ARAF: variants seen among roughly 807,000 people sequenced by gnomAD.
ARAF encodes A-Raf proto-oncogene, serine/threonine kinase, also known as serine/threonine-protein kinase A-Raf.
ARAF carries 18 observed loss-of-function variants against 48.0 expected under a neutral mutation model. That is an observed-to-expected ratio of 0.37 (90% CI 0.26 to 0.56). The LOEUF (loss-of-function observed/expected upper bound fraction) is 0.56, where lower values mean the gene tolerates loss of function less well. Ranked by LOEUF, ARAF falls within the 20% of genes least tolerant of loss-of-function variation. The probability of loss-of-function intolerance (pLI) is 0.77; values close to 1 mark genes in which losing one functional copy is unlikely to be tolerated. For missense variants in ARAF, 389 were observed against 543.1 expected (o/e 0.72, Z 2.82); for synonymous variants, 207 against 220.1 (o/e 0.94, Z 0.53).
intron 10 of ARAF, among the ~76,000 whole-genome samples, chrX:47,568,359 C>T (rs1484814292): frequency 2.7e-5 from 3 of 110,367 alleles, no homozygotes; most frequent in African/African-American, 6.6e-5. Flanking sequence ...TCTGCTTTCT[C>T]ATCTGTGAGA....
intron 10 of ARAF, among the ~76,000 whole-genome samples, chrX:47,568,392 T>C (rs774178390): frequency 1.8e-5 from 2 of 109,593 alleles, no homozygotes; most frequent in African/African-American, 6.7e-5. Context: ...CAGGTAATGG[T>C]CAGAGTCAGA....
intron 4 of ARAF, 40 bp downstream of exon 4, chrX:47,564,939 G>C (rs2057725964): frequency 3.3e-6 from 4 of 1,210,840 alleles, no homozygotes; most frequent in Non-Finnish European, 4.5e-6. Context: ...CCATGGTTGG[G>C]GGTGTCCTTG....
In ARAF at chrX:47,567,365, G is replaced by T; in HGVS notation, c.1009G>T (p.Val337Leu). ...GRWHGDVAVKVLKVSQPTAEQ... is the reference protein window; with the variant it reads ...GRWHGDVAVKLLKVSQPTAEQ... ...GTGGCATGGCGATGTGGCCGTGAAGGTGCTCAAGGTGTCCCAGCCCACAGC... is the reference window on the plus strand; with the variant it reads ...GTGGCATGGCGATGTGGCCGTGAAGTTGCTCAAGGTGTCCCAGCCCACAGC... Residue 337 changes from valine (V) to leucine (L), a missense_variant, in exon 10 of 16, where the codon GTG (valine) becomes TTG (leucine). Around this residue, in one of 4 missense-constraint regions of ARAF, gnomAD observed 170 missense variants for 281.4 expected, o/e 0.60. Transcript: ENST00000377045. 8.3e-7 allele frequency: 1 copy of T among 1,210,495 alleles called. No individual in the cohort carries two copies. The highest frequency in any genetic ancestry group is 3.0e-5 in the East Asian group (1 of 33,824).
intron 10 of ARAF, among the ~76,000 whole-genome samples, chrX:47,567,700 G>A (rs1217158734): frequency 4.5e-5 from 5 of 111,281 alleles, no homozygotes; most frequent in Admixed American, 1.9e-4. Flanking sequence ...TGCCTGCTGC[G>A]AACTGGGTCT....
At chrX:47,566,849 T>C (rs1292282277) in intron 7 of ARAF, 35 bp from the exon 8 acceptor site, 1 of 1,211,738 alleles carries the variant, frequency 8.3e-7, no homozygotes, top group African/African-American at 1.7e-5. Context: ...TTGGCCTCCA[T>C]GCCCTCTTTT....
chrX:47,564,824 A>G lies in ARAF; in HGVS notation c.228A>G (p.Thr76=). The G allele has an allele frequency of 3.3e-6, 4 of 1,207,789 alleles. No homozygotes were observed. Among genetic ancestry groups the G allele is most frequent in the Non-Finnish European group, 4.5e-6 (4 of 893,383 alleles). ...KGRKTVTAWD[T]AIAPLDGEEL... The stretch of plus-strand genomic sequence containing the variant: ...GAAAGACGGTCACTGCCTGGGACAC[A>G]GCCATTGCTCCCCTGGATGGCGAGG... The change falls in exon 4 of 16, where the codon ACA becomes ACG. Residue 76 remains threonine (T), a synonymous_variant. Coordinates refer to ENST00000377045, the MANE Select transcript of ARAF (RefSeq NM_001654.5).
At position 47,571,555 on chromosome X, in the gene ARAF, C is replaced by T. The variant is rs1039810598; in HGVS notation, c.*98C>T. The T allele has an allele frequency of 2.1e-5, 22 of 1,055,956 alleles. No individual in the cohort carries two copies. In the African/African-American group the frequency reaches 3.9e-4, roughly 19 times the overall value. The allele number at this position is 1,055,956 out of a possible 1,213,427, so 87.0% of individuals were successfully genotyped here. A position where few individuals can be genotyped will look rare whatever the true frequency, so the allele number is the denominator to read the frequency against. ...GTTCGTCTCTGCCCTGATGCTGCCT[C>T]AGGATCCCCCATTCCCCACCCTGGG... On this transcript the variant is annotated 3_prime_UTR_variant, in exon 16 of 16. Transcript: ENST00000377045.
chrX:47,567,456 TG>T, intron 10 of ARAF, 24 bp downstream of exon 10: 2 of 1,184,387 alleles, frequency 1.7e-6, no homozygotes, highest in Non-Finnish European at 1.1e-6. Context: ...TGTGCGTGGA[TG>T]GGGGTGGCAG....
chrX:47,569,634 C>A lies in ARAF; in HGVS notation c.1396C>A (p.Pro466Thr). ...GAGCGGGGCCCAGCCCTTGGAGCAG[C>A]CCTCAGGATCTGTGCTGTGGATGGT... ...RWSGAQPLEQ[P>T]SGSVLWMAAE... The change falls in exon 13 of 16, where the codon CCC (proline) becomes ACC (threonine). Residue 466 changes from proline (P) to threonine (T), a missense_variant. Pro to Thr is a conservative substitution (Grantham distance 38). Around this residue, in one of 4 missense-constraint regions of ARAF, gnomAD observed 170 missense variants for 281.4 expected, o/e 0.60. Transcript: ENST00000377045. 6 of 1,209,909 alleles carry A rather than the reference C, an allele frequency of 5.0e-6. No homozygotes were observed. The highest frequency in any genetic ancestry group is 6.7e-6 in the Non-Finnish European group (6 of 894,509).
chrX:47,564,734 G>T, intron 3 of ARAF, 63 bp from the exon 4 acceptor site: 1 of 961,176 alleles, frequency 1.0e-6, no homozygotes, highest in Non-Finnish European at 1.5e-6. Flanking sequence ...ACTTGTGGGG[G>T]TTCCCTGCCT....
rs780922452 is a variant in ARAF at position 47,569,624 on chromosome X, C to T, written c.1386C>T (p.Pro462=). ...AGACTCGATGGAGCGGGGCCCAGCC[C>T]TTGGAGCAGCCCTCAGGATCTGTGC... ...TVKTRWSGAQ[P]LEQPSGSVLW... Residue 462 remains proline, a synonymous_variant, in exon 13 of 16, where the codon CCC becomes CCT. Transcript: ENST00000377045. The T allele has an allele frequency of 1.7e-6, 2 of 1,207,895 alleles. No individual in the cohort carries two copies. The highest frequency in any genetic ancestry group is 3.5e-5 in the African/African-American group (2 of 56,934).
intron 15 of ARAF, 47 bp downstream of exon 15, chrX:47,571,059 T>G (rs1168405768): frequency 1.7e-6 from 2 of 1,184,306 alleles, no homozygotes; most frequent in Admixed American, 2.3e-5. Flanking sequence ...GACTCTGGGA[T>G]AGAGGAAGAC....
At chrX:47,568,950 C>T in intron 11 of ARAF, 37 bp from the exon 12 acceptor site, 1 of 1,200,642 alleles carries the variant, frequency 8.3e-7, no homozygotes, top group Middle Eastern at 2.3e-4. Context: ...AATGAGGTAA[C>T]CCCCAGCCAA....
chrX:47,570,922 C>G lies in ARAF; in HGVS notation c.1596C>G (p.Ser532Arg). 8.3e-7 allele frequency: 1 copy of G among 1,211,868 alleles called. No homozygotes were observed. The highest frequency in any genetic ancestry group is 1.1e-6 in the Non-Finnish European group (1 of 895,471). Residue 532 changes from serine (S) to arginine (R), a missense_variant, in exon 15 of 16, where the codon AGC becomes AGG. By Grantham distance (110) the Ser-to-Arg change is moderately radical. This residue lies in a region of ARAF where 170 missense variants were observed against 281.4 expected (regional missense o/e 0.60). Coordinates refer to ENST00000377045, the MANE Select transcript of ARAF (RefSeq NM_001654.5). ...GTGGCTATCTGTCCCCGGACCTCAG[C>G]AAAATCTCCAGCAACTGCCCCAAGG... ...VGRGYLSPDLSKISSNCPKAM... is the reference protein window; with the variant it reads ...VGRGYLSPDLRKISSNCPKAM...
At chrX:47,562,505 A>AAAAC (rs2057714148) in intron 1 of ARAF, among the ~76,000 whole-genome samples, 2 of 107,452 alleles carry the variant, frequency 1.9e-5, no homozygotes, top group African/African-American at 6.9e-5. Context: ...AAAACAGAAA[A>AAAAC]AAAAAAAAAA....
chrX:47,570,103 C>T (rs1421073689), intron 14 of ARAF, 79 bp downstream of exon 14: 7 of 1,085,749 alleles, frequency 6.4e-6, no homozygotes, highest in African/African-American at 3.7e-5. Flanking sequence ...CCCTCCTTTG[C>T]ACTGATAAAT....
At chrX:47,562,014 C>T (rs1163097476) in intron 1 of ARAF, among the ~76,000 whole-genome samples, 2 of 98,822 alleles carry the variant, frequency 2.0e-5, no homozygotes, top group Non-Finnish European at 4.1e-5. Flanking sequence ...TTGGGACTTC[C>T]ATTAGCCACC....
chrX:47,571,174 G>A (rs887339440), intron 15 of ARAF, 149 bp from the exon 16 acceptor site: 2 of 951,143 alleles, frequency 2.1e-6, no homozygotes, highest in Non-Finnish European at 2.8e-6. Context: ...TTGGGGGTGT[G>A]TGTGTATGTG....
At chrX:47,566,339 CTTTACTATT>C (rs895596184) in intron 6 of ARAF, among the ~76,000 whole-genome samples, 20 of 111,990 alleles carry the variant, frequency 1.8e-4, no homozygotes, top group Non-Finnish European at 3.6e-4. Context: ...CCTTATTTTG[CTTTACTATT>C]TTTCTTTATT....
Sources: gnomAD v4.1 joint callset for allele counts (sites outside exome capture counted in the v4.1 genomes callset) on GRCh38, gnomAD v4.1.1 for gene constraint, gnomAD v4.1.1 regional missense constraint, MANE v1.5 for transcripts, NCBI Gene and HGNC (gene_info 2026-07-23, HGNC 2026-07-21) for gene names.